MAP4K5: variants seen among roughly 807,000 people sequenced by gnomAD.
MAP4K5 encodes the protein MAPK/ERK kinase kinase kinase 5.
Under a neutral mutation model 135.6 loss-of-function variants are expected in MAP4K5, and 82 were observed. The observed-to-expected ratio is 0.60, with a 90% CI of 0.51 to 0.73. The LOEUF (loss-of-function observed/expected upper bound fraction) is 0.73, where lower values mean the gene tolerates loss of function less well. Among genes scored for constraint, MAP4K5 ranks in the 30% least tolerant of loss-of-function variants. The pLI is 0.00. For synonymous variants in MAP4K5, 347 were observed against 335.0 expected, an observed-to-expected ratio of 1.04 and a Z score of -0.39; for missense variants, 907 against 1,010.9, an observed-to-expected ratio of 0.90 and a Z score of 1.39.
chr14:50,503,938 T>C (rs1416796497), intron 3 of MAP4K5, among the ~76,000 whole-genome samples: 1 of 151,990 alleles, frequency 6.6e-6, no homozygotes, highest in African/African-American at 2.4e-5. Flanking sequence ...TTTAAACTTA[T>C]TAGGTGGCAC....
intron 3 of MAP4K5, among the ~76,000 whole-genome samples, chr14:50,500,628 A>G (rs1489790051): frequency 2.0e-5 from 3 of 152,112 alleles, no homozygotes; most frequent in Non-Finnish European, 4.4e-5. Context: ...TATGTTTTTA[A>G]AAGTTCACTC....
chr14:50,496,956 A>C (rs2037608085), intron 3 of MAP4K5, among the ~76,000 whole-genome samples: 2 of 152,244 alleles, frequency 1.3e-5, no homozygotes, highest in Admixed American at 1.3e-4. Context: ...TAATATTTGC[A>C]ATGGCAAAAG....
At chr14:50,519,267 C>T (rs961487145) in intron 2 of MAP4K5, among the ~76,000 whole-genome samples, 3 of 151,904 alleles carry the variant, frequency 2.0e-5, no homozygotes, top group Non-Finnish European at 2.9e-5. Context: ...ATGATTTATA[C>T]GTATGTCCTT....
chr14:50,468,991 C>T (rs1365843659), intron 9 of MAP4K5, among the ~76,000 whole-genome samples: 1 of 152,146 alleles, frequency 6.6e-6, no homozygotes, highest in South Asian at 2.1e-4. Context: ...ATGCCCTCCT[C>T]TGAATGTTTA....
intron 22 of MAP4K5, 52 bp downstream of exon 22, chr14:50,440,310 T>C (rs939081524): frequency 8.4e-7 from 1 of 1,191,858 alleles, no homozygotes; most frequent in Non-Finnish European, 1.2e-6. Context: ...ATTAAGACAC[T>C]TCTTTATTCA....
At chr14:50,551,078 G>T (rs1038737098) in intron 1 of MAP4K5, among the ~76,000 whole-genome samples, 20 of 152,066 alleles carry the variant, frequency 1.3e-4, no homozygotes, top group African/African-American at 4.8e-4. Context: ...CAAGACAGAT[G>T]AAACAAAAAG....
intron 2 of MAP4K5, among the ~76,000 whole-genome samples, chr14:50,539,968 T>A (rs1565838): frequency 0.63 from 95,556 of 152,060 alleles, 30,430 homozygotes; most frequent in East Asian, 0.75. Context: ...ACTCTATTCA[T>A]ACCATGCCCA....
intron 1 of MAP4K5, among the ~76,000 whole-genome samples, chr14:50,557,713 T>G (rs2038781187): frequency 6.6e-6 from 1 of 152,204 alleles, no homozygotes; most frequent in South Asian, 2.1e-4. Context: ...AACTTATGAT[T>G]AAAAAGATGC....
At chr14:50,471,124 T>C (rs1275989277) in intron 9 of MAP4K5, among the ~76,000 whole-genome samples, 1 of 152,122 alleles carries the variant, frequency 6.6e-6, no homozygotes, top group Non-Finnish European at 1.5e-5. Context: ...CACCTTGGTA[T>C]TAATATTAAG....
chr14:50,463,891 CAAAA>C (rs56877870), intron 12 of MAP4K5, among the ~76,000 whole-genome samples, 157 bp downstream of exon 12: 29 of 70,388 alleles, frequency 4.1e-4, no homozygotes, highest in African/African-American at 1.5e-3. Context: ...ACCCTGTTTC[CAAAA>C]AAAAAAAAAA....
intron 2 of MAP4K5, among the ~76,000 whole-genome samples, chr14:50,520,361 C>A (rs1470938288): frequency 6.6e-6 from 1 of 152,120 alleles, no homozygotes; most frequent in Non-Finnish European, 1.5e-5. Flanking sequence ...ATTAGTCGGG[C>A]ATGGCAGCGT....
At chr14:50,527,318 G>C (rs976798378) in intron 2 of MAP4K5, among the ~76,000 whole-genome samples, 1 of 150,802 alleles carries the variant, frequency 6.6e-6, no homozygotes, top group Non-Finnish European at 1.5e-5. Flanking sequence ...CCAGCCTGGC[G>C]ACACTGCAAG....
intron 2 of MAP4K5, among the ~76,000 whole-genome samples, chr14:50,514,248 T>TG (rs1452195226): frequency 6.6e-6 from 1 of 151,224 alleles, no homozygotes; most frequent in East Asian, 1.9e-4. Context: ...GGCTAATTTT[T>TG]TTTTTTGTAT....
chr14:50,527,427 T>C lies in MAP4K5; in HGVS notation c.108+4515A>G, dbSNP rs114010268. Among the ~76,000 whole-genome samples, 1,396 of 146,622 alleles carry C rather than the reference T, an allele frequency of 9.5e-3. 22 individuals carry two copies. The highest frequency in any genetic ancestry group is 0.032 in the African/African-American group (1,292 of 40,038). On this transcript the variant is annotated intron_variant, in intron 2 of 32. Coordinates refer to ENST00000682126, the MANE Select transcript of MAP4K5 (RefSeq NM_006575.6). ...CCTGTCATCCAAAAAAAAAAAAAAA[T>C]GTACTTTTGTAGAATATTTAACGAC...
At chr14:50,471,905 A>G (rs1286015184) in intron 9 of MAP4K5, 1 of 152,316 alleles carries the variant, frequency 6.6e-6, no homozygotes, top group Admixed American at 6.5e-5. Flanking sequence ...AAATCCTGTG[A>G]CTATAAAAAA....
chr14:50,555,916 A>T (rs190579979), intron 1 of MAP4K5, among the ~76,000 whole-genome samples: 1 of 152,278 alleles, frequency 6.6e-6, no homozygotes, highest in African/African-American at 2.4e-5. Flanking sequence ...ACCATCAACT[A>T]TTGAGAAACT....
At position 50,419,818 on chromosome 14, in the gene MAP4K5, TA is replaced by T; in HGVS notation, c.*200del. Reference sequence around the variant, plus strand: ...TAGCTTTTATTAAGCAAACTTGATATAACCACCACACAGTGGCAAGAGATAG... The same window carrying T: ...TAGCTTTTATTAAGCAAACTTGATATACCACCACACAGTGGCAAGAGATAG... On this transcript the variant is annotated 3_prime_UTR_variant, in exon 33 of 33. Coordinates refer to ENST00000682126, the MANE Select transcript of MAP4K5 (RefSeq NM_006575.6). 6.3e-6 allele frequency: 3 copies of T among 472,756 alleles called. No individual in the cohort carries two copies. The highest frequency in any genetic ancestry group is 1.1e-5 in the Non-Finnish European group (3 of 263,928). The allele number at this position is 472,756 out of a possible 1,614,324, so 29.3% of individuals were successfully genotyped here. A position where few individuals can be genotyped will look rare whatever the true frequency, so the allele number is the denominator to read the frequency against.
chr14:50,480,888 C>T (rs1306660719), intron 6 of MAP4K5, among the ~76,000 whole-genome samples: 2 of 152,116 alleles, frequency 1.3e-5, no homozygotes, highest in Non-Finnish European at 2.9e-5. Context: ...CTAAACATAT[C>T]TAAGCATAGA....
In MAP4K5 at chr14:50,429,271, A is replaced by AAAAAAC; in HGVS notation, c.2165-17_2165-12dup. The AAAAAAC allele has an allele frequency of 6.5e-7, 1 of 1,528,140 alleles. No homozygotes were observed. The allele number at this position is 1,528,140 out of a possible 1,614,324, so 94.7% of individuals were successfully genotyped here. A position where few individuals can be genotyped will look rare whatever the true frequency, so the allele number is the denominator to read the frequency against. ...CTAACTGCTGGCTGCCTTAGGAAGT[A>AAAAAAC]AAAAACAAGGTTACAATTATACTTT... On this transcript the variant is annotated splice_polypyrimidine_tract_variant and intron_variant, in intron 28 of 32. Transcript: ENST00000682126.
Sources: allele counts gnomAD v4.1 joint callset (sites outside exome capture counted in the v4.1 genomes callset), GRCh38; gene constraint gnomAD v4.1.1; transcripts MANE v1.5; gene names NCBI Gene and HGNC (gene_info 2026-07-23, HGNC 2026-07-21).